RBFOX1: variants seen among roughly 807,000 people sequenced by gnomAD.
RBFOX1 encodes the protein RNA binding fox-1 homolog 1.
In RBFOX1, 8 loss-of-function variants were observed where a neutral mutation model predicts 57.7. The ratio of observed to expected loss-of-function variants is 0.14; its 90% CI spans 0.08 to 0.25. The LOEUF is 0.25. Ranked by LOEUF, RBFOX1 falls within the 10% of genes least tolerant of loss-of-function variation. The pLI, the probability that RBFOX1 is intolerant of heterozygous loss-of-function variation, is 1.00. For synonymous variants in RBFOX1, 326 were observed against 222.4 expected (o/e 1.47, Z -4.15); for missense variants, 611 against 548.5 (o/e 1.11, Z -1.14).
intron 3 of RBFOX1, among the ~76,000 whole-genome samples, chr16:6,668,915 T>C (rs1603289194): frequency 6.6e-6 from 1 of 152,238 alleles, no homozygotes; most frequent in East Asian, 1.9e-4. Flanking sequence ...TTTTCAAAGA[T>C]TGTTCTGTCA....
intron 2 of RBFOX1, among the ~76,000 whole-genome samples, chr16:5,533,177 G>A (rs142695075): frequency 6.6e-6 from 1 of 152,096 alleles, no homozygotes; most frequent in African/African-American, 2.4e-5. Context: ...GTATTTAGAA[G>A]GTTTGTAAAT....
chr16:6,686,182 G>T (rs1044100465), intron 3 of RBFOX1, among the ~76,000 whole-genome samples: 1 of 152,208 alleles, frequency 6.6e-6, no homozygotes, highest in African/African-American at 2.4e-5. Flanking sequence ...TCCCTTCGAT[G>T]TAATCAGACA....
chr16:6,253,144 G>A lies in RBFOX1; in HGVS notation c.-126-63851G>A, dbSNP rs551403878. Among the ~76,000 whole-genome samples the A allele has an allele frequency of 3.4e-4, 51 of 152,142 alleles. 1 individual carries two copies. The South Asian group carries it at 9.7e-3, about 29-fold the overall frequency. On this transcript the variant is annotated intron_variant, in intron 1 of 15. Transcript: ENST00000550418. ...CACACACTTACATCTCTAATGAATG[G>A]CAAAGCTTGGATTTGAATACAGGTC...
rs149978479 is a variant in RBFOX1, at chr16:6,880,396, C to T, written c.-15-171661C>T. Reference sequence around the variant, plus strand: ...ACTTCAGTCACTGCAACCCACCGCCCTGTTGCAGGAATGAACATGTGACCC... The same window carrying T: ...ACTTCAGTCACTGCAACCCACCGCCTTGTTGCAGGAATGAACATGTGACCC... On this transcript the variant is annotated intron_variant, in intron 3 of 15. Coordinates refer to ENST00000550418, the MANE Select transcript of RBFOX1 (RefSeq NM_018723.4). 5.8e-3 allele frequency among the ~76,000 whole-genome samples: 884 copies of T among 152,306 alleles called. 14 individuals carry two copies. The highest frequency in any genetic ancestry group is 0.02 in the African/African-American group (836 of 41,560).
At chr16:5,993,447 C>T (rs572315493) in intron 4 of RBFOX1, among the ~76,000 whole-genome samples, 1 of 151,476 alleles carries the variant, frequency 6.6e-6, no homozygotes, top group African/African-American at 2.4e-5. Flanking sequence ...CAGAGACTTT[C>T]AAGCCTGTTT....
intron 3 of RBFOX1, among the ~76,000 whole-genome samples, chr16:5,810,321 A>G (rs760052682): frequency 2.0e-5 from 3 of 152,102 alleles, no homozygotes; most frequent in Non-Finnish European, 4.4e-5. Flanking sequence ...AACTTAAAGT[A>G]TAATAATAAT....
intron 3 of RBFOX1, among the ~76,000 whole-genome samples, chr16:6,849,242 T>A (rs1200337766): frequency 5.3e-5 from 8 of 152,214 alleles, no homozygotes; most frequent in Non-Finnish European, 1.2e-4. Flanking sequence ...CTTTTAATAC[T>A]GAGGAAGTCT....
At chr16:7,526,106 CT>C (rs1204617994) in intron 5 of RBFOX1, among the ~76,000 whole-genome samples, 1 of 152,178 alleles carries the variant, frequency 6.6e-6, no homozygotes, top group African/African-American at 2.4e-5. Context: ...AGCGTGAACC[CT>C]ATTGTGAACT....
At chr16:6,347,267 CG>C (rs376529505) in intron 2 of RBFOX1, among the ~76,000 whole-genome samples, 1 of 152,128 alleles carries the variant, frequency 6.6e-6, no homozygotes, top group Admixed American at 6.5e-5. Context: ...AGACAGTGAA[CG>C]GGAGATGGTT....
chr16:5,397,250 C>G (rs2066584776), intron 1 of RBFOX1, among the ~76,000 whole-genome samples: 1 of 152,244 alleles, frequency 6.6e-6, no homozygotes, highest in South Asian at 2.1e-4. Context: ...TTTTCCCCCT[C>G]TGGTTTCATG....
At chr16:6,095,640 G>A (rs746826315) in intron 1 of RBFOX1, among the ~76,000 whole-genome samples, 1 of 151,970 alleles carries the variant, frequency 6.6e-6, no homozygotes, top group Non-Finnish European at 1.5e-5. Flanking sequence ...TTGGGAAGCA[G>A]CCAGCACCGT....
intron 13 of RBFOX1, among the ~76,000 whole-genome samples, chr16:7,673,018 C>A (rs1223412554): frequency 1.3e-5 from 2 of 151,814 alleles, no homozygotes; most frequent in African/African-American, 4.8e-5. Flanking sequence ...TGAGACTTGA[C>A]CCTTGCATAT....
At chr16:7,452,059 A>G (rs2098869154) in intron 4 of RBFOX1, among the ~76,000 whole-genome samples, 2 of 152,246 alleles carry the variant, frequency 1.3e-5, no homozygotes, top group Non-Finnish European at 2.9e-5. Flanking sequence ...AAATGGCTAC[A>G]AAGCAATTGG....
chr16:5,676,878 C>T (rs1473586838), intron 3 of RBFOX1, among the ~76,000 whole-genome samples: 1 of 151,976 alleles, frequency 6.6e-6, no homozygotes, highest in African/African-American at 2.4e-5. Flanking sequence ...AAAAAGTGCT[C>T]AGAACAGTGC....
At chr16:6,875,773 G>C (rs2061722841) in intron 3 of RBFOX1, among the ~76,000 whole-genome samples, 1 of 152,148 alleles carries the variant, frequency 6.6e-6, no homozygotes, top group Admixed American at 6.5e-5. Flanking sequence ...GGGAGGCCAT[G>C]ACAGCAGGAT....
chr16:7,055,728 C>T (rs949965277), intron 4 of RBFOX1, among the ~76,000 whole-genome samples: 2 of 152,116 alleles, frequency 1.3e-5, no homozygotes, highest in African/African-American at 2.4e-5. Context: ...CACATTGTTA[C>T]CTGCACAAAA....
chr16:7,703,143 G>A (rs185516112), intron 14 of RBFOX1, among the ~76,000 whole-genome samples: 11 of 152,186 alleles, frequency 7.2e-5, no homozygotes, highest in South Asian at 2.1e-4. Flanking sequence ...TATGCTGTAC[G>A]GTAAGTGTGC....
At chr16:6,547,424 G>A (rs903902307) in intron 2 of RBFOX1, among the ~76,000 whole-genome samples, 1 of 152,140 alleles carries the variant, frequency 6.6e-6, no homozygotes, top group East Asian at 1.9e-4. Context: ...CAGTTTGTCA[G>A]AGATGATTGT....
chr16:5,323,475 C>T (rs971556580), intron 1 of RBFOX1, among the ~76,000 whole-genome samples: 1 of 152,228 alleles, frequency 6.6e-6, no homozygotes, highest in Non-Finnish European at 1.5e-5. Context: ...TCTCTGGCAT[C>T]TGAAACATCT....
Sources: gnomAD v4.1 joint callset for allele counts (sites outside exome capture counted in the v4.1 genomes callset) on GRCh38, gnomAD v4.1.1 for gene constraint, MANE v1.5 for transcripts, NCBI Gene and HGNC (gene_info 2026-07-23, HGNC 2026-07-21) for gene names.